Variants in GRM1 observed in about 807,000 individuals in gnomAD.
GRM1 encodes the protein metabotropic glutamate receptor 1.
A neutral mutation model predicts 90.9 loss-of-function variants in GRM1; 33 were observed. The ratio of observed to expected loss-of-function variants is 0.36; its 90% CI spans 0.28 to 0.49. The LOEUF (loss-of-function observed/expected upper bound fraction) is 0.49, where lower values mean the gene tolerates loss of function less well. Among genes scored for constraint, GRM1 ranks in the 20% least tolerant of loss-of-function variants. The pLI is 0.99. For missense variants in GRM1, 1,190 were observed against 1,534.3 expected, an observed-to-expected ratio of 0.78 and a Z score of 3.75; for synonymous variants, 700 against 613.2, an observed-to-expected ratio of 1.14 and a Z score of -2.09.
intron 1 of GRM1, among the ~76,000 whole-genome samples, chr6:146,052,472 G>A (rs1011913449): frequency 6.6e-6 from 1 of 151,994 alleles, no homozygotes; most frequent in African/African-American, 2.4e-5. Flanking sequence ...ATGGGGAGAA[G>A]GATGGGGAGT....
chr6:146,312,729 G>T (rs963633845), intron 3 of GRM1, among the ~76,000 whole-genome samples: 2 of 152,132 alleles, frequency 1.3e-5, no homozygotes, highest in African/African-American at 4.8e-5. Context: ...GTAGTATTTG[G>T]ATATAATTCA....
At chr6:146,290,786 T>G (rs1782952400) in intron 2 of GRM1, among the ~76,000 whole-genome samples, 2 of 152,210 alleles carry the variant, frequency 1.3e-5, no homozygotes, top group Admixed American at 6.5e-5. Context: ...CACTCATACC[T>G]GCTTTACATG....
intron 2 of GRM1, among the ~76,000 whole-genome samples, chr6:146,302,435 G>C (rs1783424239): frequency 6.6e-6 from 1 of 151,208 alleles, no homozygotes; most frequent in Non-Finnish European, 1.5e-5. Context: ...GCAGTGGCAA[G>C]ATCATGACTC....
intron 2 of GRM1, among the ~76,000 whole-genome samples, chr6:146,300,799 GCA>G (rs1272817695): frequency 6.6e-6 from 1 of 152,150 alleles, no homozygotes. Flanking sequence ...CTCAGGTCAA[GCA>G]CAGTCTAGTT....
At chr6:146,065,371 C>T (rs1775810643) in intron 1 of GRM1, among the ~76,000 whole-genome samples, 1 of 152,154 alleles carries the variant, frequency 6.6e-6, no homozygotes, top group Non-Finnish European at 1.5e-5. Context: ...TTTCTGAACG[C>T]AGGTGGCCTT....
Position 146,433,995 on chromosome 6 carries a change from C to A in GRM1, c.2784C>A (p.Ala928=), listed in dbSNP as rs760106746. ...KTNETACNQT[A]VIKPLTKSYQ... is the part of the protein sequence containing the mutation. ...ATGAGACGGCCTGCAACCAAACAGC[C>A]GTCATCAAGCCCCTCACTAAAAGTT... Residue 928 remains alanine (A), a synonymous_variant, in exon 8 of 8, where the codon GCC becomes GCA. Coordinates refer to ENST00000282753, the MANE Select transcript of GRM1 (RefSeq NM_001278064.2). 6.8e-6 allele frequency: 11 copies of A among 1,613,992 alleles called. No individual in the cohort carries two copies. Among genetic ancestry groups the A allele is most frequent in the Admixed American group, 5.0e-5 (3 of 60,002 alleles).
intron 2 of GRM1, among the ~76,000 whole-genome samples, chr6:146,229,241 C>T (rs932379207): frequency 1.7e-4 from 26 of 151,672 alleles, no homozygotes; most frequent in African/African-American, 6.3e-4. Flanking sequence ...GCCTCAGCCT[C>T]CAAAAGTGCT....
intron 1 of GRM1, among the ~76,000 whole-genome samples, chr6:146,083,384 C>T (rs766105383): frequency 6.6e-6 from 1 of 152,038 alleles, no homozygotes; most frequent in African/African-American, 2.4e-5. Flanking sequence ...ATAAATAACT[C>T]TTTTTATTTT....
At chr6:146,269,902 G>T (rs541630232) in intron 2 of GRM1, among the ~76,000 whole-genome samples, 13 of 152,086 alleles carry the variant, frequency 8.5e-5, no homozygotes, top group African/African-American at 3.1e-4. Context: ...ATTAGGAATG[G>T]TTGAAGCTTG....
At chr6:146,421,189 G>A (rs189611670) in intron 7 of GRM1, among the ~76,000 whole-genome samples, 2 of 151,956 alleles carry the variant, frequency 1.3e-5, no homozygotes, top group East Asian at 3.9e-4. Context: ...AATATCATGG[G>A]AAAAAAATCT....
At chr6:146,430,454 C>T (rs1026608384) in intron 7 of GRM1, among the ~76,000 whole-genome samples, 6 of 152,132 alleles carry the variant, frequency 3.9e-5, no homozygotes, top group African/African-American at 9.7e-5. Flanking sequence ...CTTTTGAAGT[C>T]GGAGCAAAAG....
At chr6:146,303,891 A>G (rs1289092303) in intron 2 of GRM1, among the ~76,000 whole-genome samples, 3 of 152,206 alleles carry the variant, frequency 2.0e-5, no homozygotes, top group Non-Finnish European at 2.9e-5. Flanking sequence ...CTGGGGCTAC[A>G]TTACGTCTGG....
At chr6:146,232,324 A>T (rs7341353) in intron 2 of GRM1, among the ~76,000 whole-genome samples, 16,857 of 152,028 alleles carry the variant, frequency 0.11, 1,842 homozygotes, top group African/African-American at 0.28. Flanking sequence ...CTATCCACAC[A>T]TCATCATCCC....
chr6:146,319,681 T>C (rs544882321), intron 3 of GRM1, among the ~76,000 whole-genome samples: 1 of 152,312 alleles, frequency 6.6e-6, no homozygotes, highest in East Asian at 1.9e-4. Context: ...GTCCTTCACA[T>C]CCCTTGTAAG....
chr6:146,237,341 A>C (rs1780685589), intron 2 of GRM1, among the ~76,000 whole-genome samples: 1 of 151,768 alleles, frequency 6.6e-6, no homozygotes, highest in African/African-American at 2.4e-5. Flanking sequence ...ATGGATATGC[A>C]GAAAGTAAAG....
At chr6:146,270,908 T>TTC (rs1782118957) in intron 2 of GRM1, among the ~76,000 whole-genome samples, 84 of 104,350 alleles carry the variant, frequency 8.0e-4, no homozygotes, top group African/African-American at 4.0e-3. Context: ...TTTCTTTCTT[T>TTC]CTTTCTTCCT....
chr6:146,271,382 C>G (rs1349825025), intron 2 of GRM1, among the ~76,000 whole-genome samples: 1 of 151,980 alleles, frequency 6.6e-6, no homozygotes, highest in Non-Finnish European at 1.5e-5. Context: ...GAGCCTAGAA[C>G]CAGACTGTAA....
intron 7 of GRM1, among the ~76,000 whole-genome samples, chr6:146,412,585 C>A (rs1777611056): frequency 6.6e-6 from 1 of 152,182 alleles, no homozygotes; most frequent in South Asian, 2.1e-4. Flanking sequence ...TAAGAATCAG[C>A]TCAAAGTTTG....
At chr6:146,247,908 A>G (rs940754017) in intron 2 of GRM1, among the ~76,000 whole-genome samples, 2 of 149,422 alleles carry the variant, frequency 1.3e-5, no homozygotes, top group Non-Finnish European at 3.0e-5. Context: ...TCACTAATAT[A>G]GTATATATAA....
Sources: gnomAD v4.1 joint callset for allele counts (sites outside exome capture counted in the v4.1 genomes callset) on GRCh38, gnomAD v4.1.1 for gene constraint, MANE v1.5 for transcripts, NCBI Gene and HGNC (gene_info 2026-07-23, HGNC 2026-07-21) for gene names.